The following HIVEP2 variants were observed in gnomAD, a reference collection of about 807,000 sequenced individuals.
The protein encoded by HIVEP2 is HIVEP zinc finger 2, also known as transcription factor HIVEP2.
In HIVEP2, 14 loss-of-function variants were observed where a neutral mutation model predicts 180.7. The observed-to-expected ratio is 0.08, with a 90% CI of 0.05 to 0.12. The LOEUF is 0.12. Among genes scored for constraint, HIVEP2 ranks in the 10% least tolerant of loss-of-function variants. HIVEP2 has a pLI of 1.00. For synonymous variants in HIVEP2, 1,184 were observed against 1,136.4 expected (o/e 1.04, Z -0.84); for missense variants, 2,579 against 3,008.5 (o/e 0.86, Z 3.34).
chr6:142,859,130 C>G, intron 1 of HIVEP2, among the ~76,000 whole-genome samples: 1 of 152,060 alleles, frequency 6.6e-6, no homozygotes, highest in Non-Finnish European at 1.5e-5. Flanking sequence ...CACATTCTGT[C>G]TCTATTTTTT....
intron 2 of HIVEP2, among the ~76,000 whole-genome samples, chr6:142,789,966 A>T (rs754177915): frequency 3.0e-4 from 45 of 152,226 alleles, no homozygotes; most frequent in Admixed American, 5.2e-4. Context: ...ATTAGAAGAT[A>T]ATCAATTTCC....
intron 1 of HIVEP2, among the ~76,000 whole-genome samples, chr6:142,915,049 T>C (rs1318461654): frequency 6.6e-6 from 1 of 152,166 alleles, no homozygotes; most frequent in Non-Finnish European, 1.5e-5. Flanking sequence ...CATTAAACAC[T>C]TAATTTGAAC....
chr6:142,862,410 A>G (rs1020040152), intron 1 of HIVEP2, among the ~76,000 whole-genome samples: 2 of 147,476 alleles, frequency 1.4e-5, no homozygotes, highest in South Asian at 2.1e-4. Context: ...TATAATACAT[A>G]TAATCGATTA....
At chr6:142,859,834 C>CA (rs56853043) in intron 1 of HIVEP2, among the ~76,000 whole-genome samples, 12,841 of 73,490 alleles carry the variant, frequency 0.17, 1,264 homozygotes, top group Middle Eastern at 0.2. Context: ...AACTCCGTCT[C>CA]AAAAAAAAAA....
intron 1 of HIVEP2, among the ~76,000 whole-genome samples, chr6:142,922,421 G>T (rs965256862): frequency 3.9e-5 from 6 of 152,018 alleles, no homozygotes; most frequent in African/African-American, 1.5e-4. Flanking sequence ...CTCTCAATTC[G>T]CATTTAATAA....
At chr6:142,817,426 G>A (rs922934183) in intron 2 of HIVEP2, among the ~76,000 whole-genome samples, 1 of 152,124 alleles carries the variant, frequency 6.6e-6, no homozygotes, top group Non-Finnish European at 1.5e-5. Context: ...CAATCACAAT[G>A]CCAAATCTAA....
At chr6:142,940,770 C>T (rs1222243846) in intron 1 of HIVEP2, among the ~76,000 whole-genome samples, 2 of 152,154 alleles carry the variant, frequency 1.3e-5, no homozygotes, top group Admixed American at 6.5e-5. Flanking sequence ...GGGCACCAGT[C>T]GTAGTACTCT....
At chr6:142,783,794 G>A (rs1775918245) in intron 2 of HIVEP2, among the ~76,000 whole-genome samples, 179 bp from the exon 3 acceptor site, 1 of 151,310 alleles carries the variant, frequency 6.6e-6, no homozygotes, top group African/African-American at 2.4e-5. Context: ...TTTTAACATA[G>A]TTTAAATCTT....
chr6:142,922,450 G>C (rs1777705759), intron 1 of HIVEP2, among the ~76,000 whole-genome samples: 1 of 152,110 alleles, frequency 6.6e-6, no homozygotes, highest in Admixed American at 6.5e-5. Context: ...AACCACATAA[G>C]TATACTTCTA....
chr6:142,806,059 T>A (rs1204445630), intron 2 of HIVEP2, among the ~76,000 whole-genome samples: 1 of 152,142 alleles, frequency 6.6e-6, no homozygotes, highest in Non-Finnish European at 1.5e-5. Context: ...AGCAGTATTT[T>A]AAAAAATTTC....
intron 6 of HIVEP2, among the ~76,000 whole-genome samples, chr6:142,768,173 C>T (rs1775420891): frequency 6.6e-6 from 1 of 152,064 alleles, no homozygotes; most frequent in African/African-American, 2.4e-5. Flanking sequence ...GAATGATATC[C>T]ATTAGGGACA....
intron 2 of HIVEP2, among the ~76,000 whole-genome samples, chr6:142,833,963 A>G (rs1775159519): frequency 1.3e-5 from 2 of 152,218 alleles, no homozygotes; most frequent in South Asian, 4.1e-4. Context: ...ATAAAAATAT[A>G]AAAGGAAGTC....
intron 1 of HIVEP2, among the ~76,000 whole-genome samples, chr6:142,942,529 T>G (rs1778205790): frequency 1.3e-5 from 2 of 152,236 alleles, no homozygotes; most frequent in African/African-American, 4.8e-5. Flanking sequence ...AATCAAAATA[T>G]TCTGCTGCTT....
Position 142,752,875 on chromosome 6 carries a change from T to C in HIVEP2, c.*232A>G, listed in dbSNP as rs919627364. On this transcript the variant is annotated 3_prime_UTR_variant, in exon 10 of 10. Transcript: ENST00000367603. ...AAAGTAAAGAAAAGGCACAAACATC[T>C]GTACAATTTTAAAAGTACCAGACCC... is the stretch of plus-strand genomic sequence containing the variant. 2.4e-5 allele frequency: 11 copies of C among 465,552 alleles called. No homozygotes were observed. Among genetic ancestry groups the C allele is most frequent in the African/African-American group, 3.9e-5 (2 of 51,916 alleles). 28.8% of individuals were successfully genotyped at this position (465,552 alleles called of 1,614,324 possible).
chr6:142,790,077 C>T (rs555462625), intron 2 of HIVEP2, among the ~76,000 whole-genome samples: 70 of 152,174 alleles, frequency 4.6e-4, no homozygotes, highest in African/African-American at 5.1e-4. Flanking sequence ...GCTCTTATAA[C>T]GAAAATTTTT....
Position 142,770,502 on chromosome 6 carries a change from A to C in HIVEP2, c.4237T>G (p.Leu1413Val). 1.2e-6 allele frequency: 2 copies of C among 1,614,178 alleles called. No homozygotes were observed. Among genetic ancestry groups the C allele is most frequent in the Non-Finnish European group, 1.7e-6 (2 of 1,180,034 alleles). The change falls in exon 5 of 10, where the codon TTG (leucine) becomes GTG (valine). Residue 1413 changes from leucine (L) to valine (V), a missense_variant. Physicochemically the swap from Leu to Val is conservative, Grantham distance 32. Coordinates refer to ENST00000367603, the MANE Select transcript of HIVEP2 (RefSeq NM_006734.4). The surrounding 1 kb of genome is among the most constrained non-coding windows in gnomAD (Gnocchi z 4.7). ...KYPIWKAPQT[L>V]PLGLESSIPL... Reference sequence around the variant, plus strand: ...ATGGAGGATTCTAAGCCGAGGGGCAAAGTCTGAGGTGCTTTCCAAATGGGG... The same window carrying C: ...ATGGAGGATTCTAAGCCGAGGGGCACAGTCTGAGGTGCTTTCCAAATGGGG...
At chr6:142,801,832 G>C (rs1776419192) in intron 2 of HIVEP2, among the ~76,000 whole-genome samples, 1 of 152,080 alleles carries the variant, frequency 6.6e-6, no homozygotes, top group Non-Finnish European at 1.5e-5. Context: ...TCCCATCACA[G>C]GCCTTCTGTG....
chr6:142,780,065 T>C lies in HIVEP2; in HGVS notation c.-433+3456A>G, dbSNP rs1003575423. ...AAAAATAATTTTGCTAAGTTTAACA[T>C]AGGATCTTTCTATATTCCAACAGCA... On this transcript the variant is annotated intron_variant, in intron 3 of 9. Transcript: ENST00000367603. Among the ~76,000 whole-genome samples, 18 of 152,250 alleles carry C rather than the reference T, an allele frequency of 1.2e-4. 1 individual carries two copies. The highest frequency in any genetic ancestry group is 1.2e-3 in the Admixed American group (18 of 15,282).
intron 9 of HIVEP2, among the ~76,000 whole-genome samples, chr6:142,758,464 G>A (rs961440852): frequency 1.3e-5 from 2 of 152,208 alleles, no homozygotes; most frequent in Middle Eastern, 3.2e-3. Flanking sequence ...GGAGCTGGCA[G>A]TGTCTCCTCT....
Sources: gnomAD v4.1 joint callset for allele counts (sites outside exome capture counted in the v4.1 genomes callset) on GRCh38, gnomAD v4.1.1 for gene constraint, Gnocchi (gnomAD v3.1) non-coding constraint, MANE v1.5 for transcripts, NCBI Gene and HGNC (gene_info 2026-07-23, HGNC 2026-07-21) for gene names.